Variants in WAC observed in about 807,000 individuals in gnomAD.
WAC encodes WW domain containing adaptor with coiled-coil.
WAC carries 11 observed loss-of-function variants against 79.6 expected under a neutral mutation model. That is an observed-to-expected ratio of 0.14 (90% CI 0.09 to 0.23). The LOEUF (loss-of-function observed/expected upper bound fraction) is 0.23. Ranked by LOEUF, WAC falls within the 10% of genes least tolerant of loss-of-function variation. The pLI is 1.00. For missense variants in WAC, 728 were observed against 773.5 expected (o/e 0.94, Z 0.70); for synonymous variants, 304 against 276.9 (o/e 1.10, Z -0.97).
intron 3 of WAC, among the ~76,000 whole-genome samples, chr10:28,576,754 A>T (rs1229063757): frequency 6.6e-6 from 1 of 152,200 alleles, no homozygotes; most frequent in African/African-American, 2.4e-5. Context: ...TTCACTAAAT[A>T]TCAGCTCACC....
intron 3 of WAC, among the ~76,000 whole-genome samples, chr10:28,537,118 T>TCTGACTG (rs1836722339): frequency 6.6e-6 from 1 of 152,232 alleles, no homozygotes; most frequent in Non-Finnish European, 1.5e-5. Context: ...TTGAATAATT[T>TCTGACTG]GGATGAGAAG....
chr10:28,573,256 C>A (rs1261250257), intron 3 of WAC, among the ~76,000 whole-genome samples: 2 of 152,006 alleles, frequency 1.3e-5, no homozygotes, highest in African/African-American at 4.8e-5. Context: ...TGTCATCTCC[C>A]CCCCAAAATT....
chr10:28,543,251 A>G (rs1001507858), intron 3 of WAC, among the ~76,000 whole-genome samples: 14 of 152,254 alleles, frequency 9.2e-5, no homozygotes, highest in Non-Finnish European at 1.9e-4. Flanking sequence ...TATGTTGGCC[A>G]CAAATGCAAA....
At position 28,585,086 on chromosome 10, in the gene WAC, GT is replaced by G. The variant is rs537233487; in HGVS notation, c.381+1583del. Among the ~76,000 whole-genome samples, 206 of 152,096 alleles carry G rather than the reference GT, an allele frequency of 1.4e-3. 1 individual carries two copies. Among genetic ancestry groups the G allele is most frequent in the African/African-American group, 4.8e-3 (199 of 41,494 alleles). On this transcript the variant is annotated intron_variant, in intron 4 of 13. Transcript: ENST00000354911. ...GTCTCAAAAAAGAAAAGAAAATCAT[GT>G]TAATTGTTTTAACACAGAATTTAAT...
chr10:28,576,119 G>A (rs1349742414), intron 3 of WAC, among the ~76,000 whole-genome samples: 1 of 152,120 alleles, frequency 6.6e-6, no homozygotes, highest in Non-Finnish European at 1.5e-5. Context: ...AAAATTGCTC[G>A]ACAACATATT....
intron 7 of WAC, among the ~76,000 whole-genome samples, chr10:28,603,942 A>T (rs186519635): frequency 0.081 from 1,790 of 21,974 alleles, 155 homozygotes; most frequent in Admixed American, 0.14. Context: ...TCAAAAAAAA[A>T]ATATATATAT....
intron 7 of WAC, among the ~76,000 whole-genome samples, chr10:28,604,809 A>G (rs1309117180): frequency 6.6e-6 from 1 of 152,194 alleles, no homozygotes; most frequent in Non-Finnish European, 1.5e-5. Flanking sequence ...GTAATAGAAG[A>G]TACTGAGTAA....
chr10:28,548,686 T>TA (rs1837498593), intron 3 of WAC, among the ~76,000 whole-genome samples: 1 of 152,216 alleles, frequency 6.6e-6, no homozygotes, highest in Admixed American at 6.5e-5. Flanking sequence ...ATACCCGTGT[T>TA]ACTGGGTTCC....
chr10:28,556,596 T>G (rs1838010660), intron 3 of WAC, among the ~76,000 whole-genome samples: 1 of 152,040 alleles, frequency 6.6e-6, no homozygotes, highest in African/African-American at 2.4e-5. Context: ...TTTTGTTGCC[T>G]GTGCCTTTGG....
chr10:28,543,400 TC>T (rs1334128634), intron 3 of WAC, among the ~76,000 whole-genome samples: 1 of 152,256 alleles, frequency 6.6e-6, no homozygotes, highest in Non-Finnish European at 1.5e-5. Context: ...TACTTTACAT[TC>T]CCTTTTTGGT....
intron 3 of WAC, among the ~76,000 whole-genome samples, chr10:28,556,415 T>TTTTTTTG: frequency 6.9e-6 from 1 of 144,392 alleles, no homozygotes; most frequent in Non-Finnish European, 1.5e-5. Flanking sequence ...TTTTTTTTTT[T>TTTTTTTG]GCCATTAAGC....
chr10:28,571,096 T>C (rs1564393075), intron 3 of WAC, among the ~76,000 whole-genome samples: 1 of 151,630 alleles, frequency 6.6e-6, no homozygotes, highest in Admixed American at 6.6e-5. Flanking sequence ...TAGCTGGGAC[T>C]ACAGGCGCTC....
At chr10:28,617,268 T>TAC (rs576098202) in intron 12 of WAC, among the ~76,000 whole-genome samples, 117 of 152,302 alleles carry the variant, frequency 7.7e-4, no homozygotes, top group African/African-American at 2.7e-3. Context: ...AGAGAATATG[T>TAC]TGTGTGTCTT....
At chr10:28,546,446 G>A (rs1837351820) in intron 3 of WAC, among the ~76,000 whole-genome samples, 1 of 152,210 alleles carries the variant, frequency 6.6e-6, no homozygotes, top group African/African-American at 2.4e-5. Flanking sequence ...GCTGCCTTCA[G>A]CCTTTTCTGT....
chr10:28,583,368 T>A, intron 3 of WAC, 31 bp from the exon 4 acceptor site: 1 of 1,483,124 alleles, frequency 6.7e-7, no homozygotes, highest in Non-Finnish European at 9.2e-7. Context: ...ACAGTTTACT[T>A]GTAATTCACT....
chr10:28,595,479 T>C (rs1840312833), intron 6 of WAC, among the ~76,000 whole-genome samples: 1 of 152,144 alleles, frequency 6.6e-6, no homozygotes, highest in Non-Finnish European at 1.5e-5. Flanking sequence ...CCTTAAAAAA[T>C]GTGTAGCACC....
Position 28,582,230 on chromosome 10 carries a change from T to C in WAC, c.275-1169T>C, listed in dbSNP as rs537576688. On this transcript the variant is annotated intron_variant, in intron 3 of 13. Transcript: ENST00000354911. ...ACTTTTTTAGTGCCTGCTGCTTACA[T>C]GCAAAGCAGTTAGTCACCTCTCCTA... is the stretch of plus-strand genomic sequence containing the variant. 5.9e-5 allele frequency among the ~76,000 whole-genome samples: 9 copies of C among 152,364 alleles called. No homozygotes were observed. In the South Asian group the frequency reaches 1.9e-3, roughly 32 times the overall value.
chr10:28,578,355 T>C (rs945837970), intron 3 of WAC, among the ~76,000 whole-genome samples: 1 of 152,204 alleles, frequency 6.6e-6, no homozygotes, highest in Non-Finnish European at 1.5e-5. Flanking sequence ...TATACAGATA[T>C]ACCTGTTCCT....
chr10:28,533,640 C>T lies in WAC; in HGVS notation c.41+20C>T, dbSNP rs1338432011. 1.9e-6 allele frequency: 3 copies of T among 1,546,570 alleles called. No homozygotes were observed. The highest frequency in any genetic ancestry group is 2.4e-5 in the East Asian group (1 of 41,380). ...TGATGGGTAAATTGTCTTTTCGTTT[C>T]GGGCCGGGCGGCGGCGGGGGGCGGC... On this transcript the variant is annotated intron_variant, in intron 1 of 13. Transcript: ENST00000354911.
Sources: gnomAD v4.1 joint callset for allele counts (sites outside exome capture counted in the v4.1 genomes callset) on GRCh38, gnomAD v4.1.1 for gene constraint, MANE v1.5 for transcripts, NCBI Gene and HGNC (gene_info 2026-07-23, HGNC 2026-07-21) for gene names.